Variants in EEPD1 observed in about 807,000 individuals in gnomAD.
The protein encoded by EEPD1 is endonuclease/exonuclease/phosphatase family domain containing 1.
A neutral mutation model predicts 46.3 loss-of-function variants in EEPD1; 17 were observed. That is an observed-to-expected ratio of 0.37 (90% CI 0.25 to 0.55). The LOEUF is 0.55. Among genes scored for constraint, EEPD1 ranks in the 20% least tolerant of loss-of-function variants. The probability of loss-of-function intolerance (pLI) is 0.83; values close to 1 mark genes in which losing one functional copy is unlikely to be tolerated. For missense variants in EEPD1, 673 were observed against 745.6 expected, an observed-to-expected ratio of 0.90 and a Z score of 1.13; for synonymous variants, 313 against 315.6, an observed-to-expected ratio of 0.99 and a Z score of 0.09.
chr7:36,279,500 TGA>T (rs1484433881), intron 3 of EEPD1, among the ~76,000 whole-genome samples: 6 of 152,148 alleles, frequency 3.9e-5, no homozygotes, highest in Admixed American at 3.9e-4. Context: ...TAAAGCAATG[TGA>T]GGGGAAAGAC....
In EEPD1 at chr7:36,272,953, C is replaced by G. The variant is rs559907591; in HGVS notation, c.931-8162C>G. 2.0e-5 allele frequency among the ~76,000 whole-genome samples: 3 copies of G among 152,326 alleles called. No homozygotes were observed. In the East Asian group the frequency reaches 5.8e-4, roughly 29 times the overall value. On this transcript the variant is annotated intron_variant, in intron 3 of 7. Transcript: ENST00000242108. Reference sequence around the variant, plus strand: ...GGCATGTGGCACGGAGTGGGCATGGCCCACCAGCCCCGGCCCCTCCTGGGA... The same window carrying G: ...GGCATGTGGCACGGAGTGGGCATGGGCCACCAGCCCCGGCCCCTCCTGGGA...
intron 3 of EEPD1, among the ~76,000 whole-genome samples, chr7:36,251,846 T>C (rs1217225048): frequency 6.6e-6 from 1 of 152,270 alleles, no homozygotes; most frequent in East Asian, 1.9e-4. Context: ...AAATTACATA[T>C]ATGCAATGAT....
intron 3 of EEPD1, among the ~76,000 whole-genome samples, chr7:36,257,179 C>T (rs1786840167): frequency 1.3e-5 from 2 of 152,124 alleles, no homozygotes; most frequent in African/African-American, 4.8e-5. Flanking sequence ...AGGGTTTCTG[C>T]AGAGGGATCA....
intron 2 of EEPD1, among the ~76,000 whole-genome samples, chr7:36,230,097 G>C (rs144091922): frequency 1.5e-3 from 235 of 152,114 alleles, no homozygotes; most frequent in African/African-American, 5.2e-3. Context: ...TCACAAGGTG[G>C]AAACTGGAGT....
At chr7:36,255,837 C>G (rs567240761) in intron 3 of EEPD1, among the ~76,000 whole-genome samples, 1 of 151,772 alleles carries the variant, frequency 6.6e-6, no homozygotes, top group East Asian at 1.9e-4. Flanking sequence ...CAATTCTTCT[C>G]TTATCTTAAT....
At chr7:36,259,265 T>G (rs1006605536) in intron 3 of EEPD1, among the ~76,000 whole-genome samples, 1 of 152,216 alleles carries the variant, frequency 6.6e-6, no homozygotes, top group Non-Finnish European at 1.5e-5. Flanking sequence ...TGCTGGGAGC[T>G]GCAGACTGGA....
At chr7:36,247,483 G>C (rs1374536816) in intron 3 of EEPD1, among the ~76,000 whole-genome samples, 2 of 152,250 alleles carry the variant, frequency 1.3e-5, no homozygotes, top group African/African-American at 2.4e-5. Flanking sequence ...TTACCAACGG[G>C]GATAAAGTTA....
intron 3 of EEPD1, among the ~76,000 whole-genome samples, chr7:36,263,558 T>A (rs1477763123): frequency 6.6e-6 from 1 of 152,208 alleles, no homozygotes; most frequent in East Asian, 1.9e-4. Flanking sequence ...GCTCTGGGGA[T>A]CTTCAGGGGT....
intron 2 of EEPD1, among the ~76,000 whole-genome samples, chr7:36,161,929 AC>A (rs1045547325): frequency 6.6e-6 from 1 of 151,708 alleles, no homozygotes; most frequent in African/African-American, 2.4e-5. Context: ...ACTCTACCTT[AC>A]AAAGGATTTT....
In EEPD1 at chr7:36,287,769, C is replaced by T. The variant is rs1787363615; in HGVS notation, c.1307C>T (p.Thr436Ile). 6.2e-7 allele frequency: 1 copy of T among 1,613,490 alleles called. No individual in the cohort carries two copies. Among genetic ancestry groups the T allele is most frequent in the Admixed American group, 1.7e-5 (1 of 59,952 alleles). ...AGCTTTGCACAGACCCTACAGGAAA[C>T]CCTGAAAGGTAGGACATTGTCTTTT... ...LASFAQTLQE[T>I]LKGEKDVIIL... is the part of the protein sequence containing the mutation. Residue 436 changes from threonine to isoleucine, a missense_variant, in exon 6 of 8, where the codon ACC becomes ATC. Physicochemically the swap from Thr to Ile is moderately conservative, Grantham distance 89. Transcript: ENST00000242108.
chr7:36,299,442 G>T lies in EEPD1; in HGVS notation c.*236G>T. On this transcript the variant is annotated 3_prime_UTR_variant, in exon 8 of 8. Transcript: ENST00000242108. Reference sequence around the variant, plus strand: ...GCAGAAACCTGCGGGGAGCGGAGACGCCTTTTATCTCTGGATGCCACAGAC... The same window carrying T: ...GCAGAAACCTGCGGGGAGCGGAGACTCCTTTTATCTCTGGATGCCACAGAC... The T allele has an allele frequency of 1.7e-6, 1 of 574,564 alleles. No homozygotes were observed. Among genetic ancestry groups the T allele is most frequent in the East Asian group, 2.9e-5 (1 of 34,128 alleles). The allele number at this position is 574,564 out of a possible 1,614,324, so 35.6% of individuals were successfully genotyped here. A position where few individuals can be genotyped will look rare whatever the true frequency, so the allele number is the denominator to read the frequency against.
chr7:36,291,471 C>CG (rs1169210571), intron 6 of EEPD1, among the ~76,000 whole-genome samples: 1 of 152,176 alleles, frequency 6.6e-6, no homozygotes, highest in Non-Finnish European at 1.5e-5. Flanking sequence ...GCACCTGCCC[C>CG]ATGGGTCGTG....
chr7:36,249,742 G>A (rs974384189), intron 3 of EEPD1, among the ~76,000 whole-genome samples: 2 of 152,158 alleles, frequency 1.3e-5, no homozygotes, highest in Non-Finnish European at 1.5e-5. Flanking sequence ...ATTCAAGGCT[G>A]GAACATGCCT....
At chr7:36,222,535 G>C (rs1249889334) in intron 2 of EEPD1, among the ~76,000 whole-genome samples, 2 of 152,158 alleles carry the variant, frequency 1.3e-5, no homozygotes, top group South Asian at 4.1e-4. Flanking sequence ...ATATAATTAT[G>C]TGATAATTAT....
At chr7:36,161,027 C>A (rs1227902270) in intron 2 of EEPD1, among the ~76,000 whole-genome samples, 1 of 152,138 alleles carries the variant, frequency 6.6e-6, no homozygotes, top group Non-Finnish European at 1.5e-5. Flanking sequence ...TTACTTAGGT[C>A]CATAGCAGAT....
chr7:36,170,240 C>A (rs1785054080), intron 2 of EEPD1, among the ~76,000 whole-genome samples: 1 of 152,104 alleles, frequency 6.6e-6, no homozygotes, highest in Non-Finnish European at 1.5e-5. Context: ...GAAACTCTGT[C>A]TCTACTAAAA....
chr7:36,154,636 C>A lies in EEPD1; in HGVS notation c.312C>A (p.Gly104=). 1 of 1,613,906 alleles carries A rather than the reference C, an allele frequency of 6.2e-7. No homozygotes were observed. The highest frequency in any genetic ancestry group is 8.5e-7 in the Non-Finnish European group (1 of 1,180,008). ...VKFEICVSSK[G]SSAQHSPSSL... ...TTGAGATCTGTGTGAGCAGCAAGGG[C>A]AGCTCAGCGCAGCACTCTCCCAGTT... The change falls in exon 2 of 8, where the codon GGC becomes GGA. Residue 104 remains glycine (G), a synonymous_variant. Coordinates refer to ENST00000242108, the MANE Select transcript of EEPD1 (RefSeq NM_030636.3). The surrounding 1 kb of genome is among the most constrained non-coding windows in gnomAD (Gnocchi z 4.2).
intron 3 of EEPD1, among the ~76,000 whole-genome samples, chr7:36,277,847 TGA>T (rs1386966506): frequency 2.6e-5 from 2 of 76,266 alleles, no homozygotes; most frequent in African/African-American, 4.1e-5. Flanking sequence ...CTCTGTGGGC[TGA>T]GAGAGGTTAT....
intron 2 of EEPD1, among the ~76,000 whole-genome samples, chr7:36,185,364 G>T (rs1266764891): frequency 1.3e-5 from 2 of 152,162 alleles, no homozygotes; most frequent in East Asian, 1.9e-4. Flanking sequence ...CTATTCCATT[G>T]TGTGGGTATC....
Sources: gnomAD v4.1 joint callset for allele counts (sites outside exome capture counted in the v4.1 genomes callset) on GRCh38, gnomAD v4.1.1 for gene constraint, Gnocchi (gnomAD v3.1) non-coding constraint, MANE v1.5 for transcripts, NCBI Gene and HGNC (gene_info 2026-07-23, HGNC 2026-07-21) for gene names.